Variants in OR5A2 observed in about 807,000 individuals in gnomAD.
OR5A2 encodes olfactory receptor family 5 subfamily A member 2.
For missense variants in OR5A2, 406 were observed against 398.9 expected (o/e 1.02, Z -0.15); for synonymous variants, 155 against 151.1 (o/e 1.03, Z -0.19).
Position 59,422,865 on chromosome 11 carries a change from A to G in OR5A2, c.89T>C (p.Met30Thr). 1.2e-6 allele frequency: 2 copies of G among 1,614,192 alleles called. No homozygotes were observed. Among genetic ancestry groups the G allele is most frequent in the East Asian group, 2.2e-5 (1 of 44,880 alleles). Reference sequence around the variant, plus strand: ...CAGGAGGTAGAGCCCCAGAAATAACATGAAAAGGAAAATCTTCATTTGAGG... The same window carrying G: ...CAGGAGGTAGAGCCCCAGAAATAACGTGAAAAGGAAAATCTTCATTTGAGG... ...DHPQMKIFLF[M>T]LFLGLYLLTL... Residue 30 changes from methionine (M) to threonine (T), a missense_variant, in exon 2 of 2, where the codon ATG (methionine) becomes ACG (threonine). Met to Thr is a moderately conservative substitution (Grantham distance 81, BLOSUM62 -1). Transcript: ENST00000302040.
Position 59,421,287 on chromosome 11 carries a change from C to A in OR5A2, c.*692G>T, listed in dbSNP as rs1208040226. 1 of 152,158 alleles carries A rather than the reference C, an allele frequency of 6.6e-6. No homozygotes were observed. The highest frequency in any genetic ancestry group is 1.9e-4 in the East Asian group (1 of 5,180). The allele number at this position is 152,158 out of a possible 1,614,324, so 9.4% of individuals were successfully genotyped here. A position where few individuals can be genotyped will look rare whatever the true frequency, so the allele number is the denominator to read the frequency against. On this transcript the variant is annotated 3_prime_UTR_variant, in exon 2 of 2. Coordinates refer to ENST00000302040, the MANE Select transcript of OR5A2 (RefSeq NM_001001954.2). ...TAAATGACCAGATCTCACAAGAACT[C>A]ACTATCATGAATACAACACCAACCC...
chr11:59,421,978 A>T lies in OR5A2; in HGVS notation c.*1T>A. Reference sequence around the variant, plus strand: ...CCTAGCTCACAGCTTCATTGTAAACATTAGCCCAAGGTCATAAAAATGAAT... The same window carrying T: ...CCTAGCTCACAGCTTCATTGTAAACTTTAGCCCAAGGTCATAAAAATGAAT... On this transcript the variant is annotated 3_prime_UTR_variant, in exon 2 of 2. Transcript: ENST00000302040. 1 of 1,593,630 alleles carries T rather than the reference A, an allele frequency of 6.3e-7. No homozygotes were observed. The highest frequency in any genetic ancestry group is 1.1e-5 in the South Asian group (1 of 87,968).
At chr11:59,425,850 GA>G (rs1225084508) in intron 1 of OR5A2, 1 of 152,162 alleles carries the variant, frequency 6.6e-6, no homozygotes, top group East Asian at 1.9e-4. Flanking sequence ...GAGTTTACCA[GA>G]AGGGTTTGGC....
At position 59,418,375 on chromosome 11, in the gene OR5A2, G is replaced by A. The variant is rs1407027850; in HGVS notation, c.*3604C>T. Reference sequence around the variant, plus strand: ...TCTGTCATTCTGGCTTATGCAGATAGCTATTCTGAGCTTGGTTAACTTCAG... The same window carrying A: ...TCTGTCATTCTGGCTTATGCAGATAACTATTCTGAGCTTGGTTAACTTCAG... On this transcript the variant is annotated 3_prime_UTR_variant, in exon 2 of 2. Transcript: ENST00000302040. The A allele has an allele frequency of 6.6e-6, 1 of 152,140 alleles. No homozygotes were observed. Among genetic ancestry groups the A allele is most frequent in the Non-Finnish European group, 1.5e-5 (1 of 68,010 alleles). The allele number at this position is 152,140 out of a possible 1,614,324, so 9.4% of individuals were successfully genotyped here.
At chr11:59,423,250 T>A (rs1858254707) in intron 1 of OR5A2, 4 of 297,530 alleles carry the variant, frequency 1.3e-5, no homozygotes, top group Non-Finnish European at 1.9e-5. Context: ...GCTCCATTCA[T>A]AACTTGCTGA....
intron 1 of OR5A2, chr11:59,425,018 T>C (rs1390853308): frequency 2.6e-5 from 4 of 152,230 alleles, no homozygotes; most frequent in Non-Finnish European, 5.9e-5. Context: ...TCCTGATCTA[T>C]CCTTGTAACC....
At position 59,422,711 on chromosome 11, in the gene OR5A2, C is replaced by T; in HGVS notation, c.243G>A (p.Lys81=). 1 of 1,614,132 alleles carries T rather than the reference C, an allele frequency of 6.2e-7. No homozygotes were observed. The highest frequency in any genetic ancestry group is 2.2e-5 in the East Asian group (1 of 44,878). ...DICYVSSTAP[K]MLSDIITEQK... ...GCTCTGTGATGATGTCAGACAGCAT[C>T]TTAGGGGCGGTGGAGGACACATAGC... Residue 81 remains lysine (K), a synonymous_variant, in exon 2 of 2, where the codon AAG becomes AAA. Transcript: ENST00000302040.
Position 59,417,346 on chromosome 11 carries a change from A to G in OR5A2, c.*4633T>C, listed in dbSNP as rs1234934053. The G allele has an allele frequency of 6.6e-6, 1 of 152,084 alleles. No homozygotes were observed. Among genetic ancestry groups the G allele is most frequent in the Non-Finnish European group, 1.5e-5 (1 of 68,020 alleles). 9.4% of individuals were successfully genotyped at this position (152,084 alleles called of 1,614,324 possible). On this transcript the variant is annotated 3_prime_UTR_variant, in exon 2 of 2. Coordinates refer to ENST00000302040, the MANE Select transcript of OR5A2 (RefSeq NM_001001954.2). ...CCGGTGTGGCTATTTATTTGCCTGT[A>G]CAAAAGAGTGAACTCTTATCCCTGG...
chr11:59,421,879 G>A lies in OR5A2; in HGVS notation c.*100C>T. On this transcript the variant is annotated 3_prime_UTR_variant, in exon 2 of 2. Transcript: ENST00000302040. Reference sequence around the variant, plus strand: ...TATTAGTGAAATCTTAAGCAGGAGGGAAAAAAGCCTGATTCCCACAATTCA... The same window carrying A: ...TATTAGTGAAATCTTAAGCAGGAGGAAAAAAAGCCTGATTCCCACAATTCA... 7.6e-7 allele frequency: 1 copy of A among 1,310,764 alleles called. No homozygotes were observed. The highest frequency in any genetic ancestry group is 2.3e-5 in the East Asian group (1 of 43,018). The allele number at this position is 1,310,764 out of a possible 1,614,324, so 81.2% of individuals were successfully genotyped here. A position where few individuals can be genotyped will look rare whatever the true frequency, so the allele number is the denominator to read the frequency against.
In OR5A2 at chr11:59,422,049, A is replaced by C. The variant is rs148621378; in HGVS notation, c.905T>G (p.Met302Arg). The C allele has an allele frequency of 9.5e-5, 154 of 1,613,968 alleles. No homozygotes were observed. The African/African-American group carries it at 1.6e-3, about 17-fold the overall frequency. ...GGGGTCCCTTTCCATGGCTTTCCTC[A>C]TGGCATTTTTAATCTCCTTATTCCT... ...SFRNKEIKNA[M>R]RKAMERDPGI... The change falls in exon 2 of 2, where the codon ATG becomes AGG. Residue 302 changes from methionine to arginine, a missense_variant. Coordinates refer to ENST00000302040, the MANE Select transcript of OR5A2 (RefSeq NM_001001954.2).
chr11:59,421,754 T>A lies in OR5A2; in HGVS notation c.*225A>T. On this transcript the variant is annotated 3_prime_UTR_variant, in exon 2 of 2. Coordinates refer to ENST00000302040, the MANE Select transcript of OR5A2 (RefSeq NM_001001954.2). ...CAGGATGTTTTTTGTCATGATGAAGTTTTCTGCTAGGCAGAGCATTTAAAA... is the reference window on the plus strand; with the variant it reads ...CAGGATGTTTTTTGTCATGATGAAGATTTCTGCTAGGCAGAGCATTTAAAA... The A allele has an allele frequency of 2.2e-6, 1 of 458,072 alleles. No individual in the cohort carries two copies. The highest frequency in any genetic ancestry group is 3.8e-6 in the Non-Finnish European group (1 of 260,660). The allele number at this position is 458,072 out of a possible 1,614,324, so 28.4% of individuals were successfully genotyped here. A position where few individuals can be genotyped will look rare whatever the true frequency, so the allele number is the denominator to read the frequency against.
Position 59,422,442 on chromosome 11 carries a change from C to T in OR5A2, c.512G>A (p.Gly171Glu), listed in dbSNP as rs188592274. 18 of 1,614,074 alleles carry T rather than the reference C, an allele frequency of 1.1e-5. No homozygotes were observed. In the East Asian group the frequency reaches 3.8e-4, roughly 34 times the overall value. ...GAAAAAGTGGTTGATCATATAGGGC[C>T]CACAGAAATCATGCTGATAGACAGA... ...TYSVYQHDFCGPYMINHFFCD... is the reference protein window; with the variant it reads ...TYSVYQHDFCEPYMINHFFCD... Residue 171 changes from glycine to glutamate, a missense_variant, in exon 2 of 2, where the codon GGG becomes GAG. Physicochemically the swap from Gly to Glu is moderately conservative, Grantham distance 98. Coordinates refer to ENST00000302040, the MANE Select transcript of OR5A2 (RefSeq NM_001001954.2).
Position 59,417,696 on chromosome 11 carries a change from T to C in OR5A2, c.*4283A>G, listed in dbSNP as rs555898406. 3.3e-5 allele frequency: 5 copies of C among 152,172 alleles called. No individual in the cohort carries two copies. In the East Asian group the frequency reaches 5.8e-4, roughly 18 times the overall value. 9.4% of individuals were successfully genotyped at this position (152,172 alleles called of 1,614,324 possible). The stretch of plus-strand genomic sequence containing the variant: ...TAGACACAAGCAAGTGAAATACAAA[T>C]GATTCCTCATTTCTGTGGATGATCA... On this transcript the variant is annotated 3_prime_UTR_variant, in exon 2 of 2. Transcript: ENST00000302040.
chr11:59,422,479 T>G lies in OR5A2; in HGVS notation c.475A>C (p.Ile159Leu). The G allele has an allele frequency of 6.2e-7, 1 of 1,614,130 alleles. No individual in the cohort carries two copies. Among genetic ancestry groups the G allele is most frequent in the Non-Finnish European group, 8.5e-7 (1 of 1,180,018 alleles). The change falls in exon 2 of 2, where the codon ATT (isoleucine) becomes CTT (leucine). Residue 159 changes from isoleucine (I) to leucine (L), a missense_variant. Physicochemically the swap from Ile to Leu is conservative, Grantham distance 5. Coordinates refer to ENST00000302040, the MANE Select transcript of OR5A2 (RefSeq NM_001001954.2). ...TGCTGATAGACAGAGTATGTTTCAATGAAAGAACTAAGGAATCCACCCACA... is the reference window on the plus strand; with the variant it reads ...TGCTGATAGACAGAGTATGTTTCAAGGAAAGAACTAAGGAATCCACCCACA... ...AYVGGFLSSF[I>L]ETYSVYQHDF...
rs746408976 is a variant in OR5A2, at chr11:59,422,010, C to T, written c.944G>A (p.Gly315Asp). ...AMERDPGISH[G>D]GPFIFMTLG ...CAAGGTCATAAAAATGAATGGTCCA[C>T]CGTGAGAAATCCCGGGGTCCCTTTC... Residue 315 changes from glycine to aspartate, a missense_variant, in exon 2 of 2, where the codon GGT becomes GAT. By Grantham distance (94) the Gly-to-Asp change is moderately conservative (BLOSUM62 -1). Coordinates refer to ENST00000302040, the MANE Select transcript of OR5A2 (RefSeq NM_001001954.2). 1.7e-5 allele frequency: 28 copies of T among 1,612,278 alleles called. No homozygotes were observed. The African/African-American group carries it at 2.0e-4, about 12-fold the overall frequency.
In OR5A2 at chr11:59,421,216, A is replaced by AG. The variant is rs1222699748; in HGVS notation, c.*762dup. 5.2e-5 allele frequency: 8 copies of AG among 152,556 alleles called. No homozygotes were observed. The highest frequency in any genetic ancestry group is 1.9e-4 in the African/African-American group (8 of 41,542). The allele number at this position is 152,556 out of a possible 1,614,324, so 9.5% of individuals were successfully genotyped here. On this transcript the variant is annotated 3_prime_UTR_variant, in exon 2 of 2. Coordinates refer to ENST00000302040, the MANE Select transcript of OR5A2 (RefSeq NM_001001954.2). ...GAGCAAGAGAGAGAGGCAGAGTGAG[A>AG]GGAGAGAGAAAGTGGCAGGGGATTG...
chr11:59,426,003 C>T (rs1858298886), intron 1 of OR5A2, 168 bp downstream of exon 1: 1 of 152,156 alleles, frequency 6.6e-6, no homozygotes, highest in Admixed American at 6.5e-5. Flanking sequence ...GTGCGAGGTA[C>T]TGTTTGAAAG....
intron 1 of OR5A2, chr11:59,424,924 T>C (rs77439357): frequency 6.6e-6 from 1 of 152,172 alleles, no homozygotes; most frequent in Non-Finnish European, 1.5e-5. Flanking sequence ...GTAAGAGGAA[T>C]TTGGTATCTC....
chr11:59,425,182 T>C (rs1858288184), intron 1 of OR5A2: 1 of 152,168 alleles, frequency 6.6e-6, no homozygotes, highest in Admixed American at 6.5e-5. Context: ...GCATCAGGGA[T>C]CAGAGTTTTT....
Sources: allele counts gnomAD v4.1 joint callset, GRCh38; gene constraint gnomAD v4.1.1; transcripts MANE v1.5; gene names NCBI Gene and HGNC (gene_info 2026-07-23, HGNC 2026-07-21).